CFAP90: variants seen among roughly 807,000 people sequenced by gnomAD.
CFAP90 encodes cilia- and flagella-associated protein 90.
chr5:7,845,852 G>C, the CFAP90 span, among the ~76,000 whole-genome samples: 3 of 151,754 alleles, frequency 2.0e-5, no homozygotes, highest in East Asian at 5.8e-4. Context: ...CTTTAAATAA[G>C]TGTGCAGCCT....
the CFAP90 span, among the ~76,000 whole-genome samples, chr5:7,838,864 G>T: frequency 1.3e-5 from 2 of 152,200 alleles, no homozygotes; most frequent in African/African-American, 4.8e-5. Context: ...TGGCAAAGTG[G>T]TGTTGTCTGG....
chr5:7,838,371 C>G, the CFAP90 span, among the ~76,000 whole-genome samples: 1 of 152,302 alleles, frequency 6.6e-6, no homozygotes, highest in Non-Finnish European at 1.5e-5. Flanking sequence ...ATCTCGATAT[C>G]TTTAATATCC....
At chr5:7,849,954 C>T in the CFAP90 span, among the ~76,000 whole-genome samples, 4 of 152,174 alleles carry the variant, frequency 2.6e-5, no homozygotes, top group South Asian at 4.1e-4. Context: ...CCCCGGCTTC[C>T]CGCGACCCCC....
the CFAP90 span, among the ~76,000 whole-genome samples, chr5:7,837,770 A>G: frequency 2.6e-5 from 4 of 152,218 alleles, no homozygotes; most frequent in Non-Finnish European, 5.9e-5. Context: ...TTTAAGAATT[A>G]TTACTTTAAG....
At chr5:7,846,372 G>C in the CFAP90 span, among the ~76,000 whole-genome samples, 8 of 152,314 alleles carry the variant, frequency 5.3e-5, no homozygotes, top group African/African-American at 1.9e-4. Context: ...ATAAACAACA[G>C]ATGCTTATTT....
chr5:7,850,360 G>T, the CFAP90 span, among the ~76,000 whole-genome samples: 1 of 137,848 alleles, frequency 7.3e-6, no homozygotes, highest in Non-Finnish European at 1.6e-5. Flanking sequence ...CCTGCCCCCA[G>T]GGTCCCTGCC....
the CFAP90 span, among the ~76,000 whole-genome samples, chr5:7,843,548 C>G: frequency 6.6e-6 from 1 of 152,120 alleles, no homozygotes; most frequent in Non-Finnish European, 1.5e-5. Flanking sequence ...TCAGAGAGTT[C>G]TACATTCATC....
chr5:7,830,405 CACTT>C, the CFAP90 span: 1 of 152,138 alleles, frequency 6.6e-6, no homozygotes, highest in Non-Finnish European at 1.5e-5. Context: ...TTATTACAGT[CACTT>C]ACAGATGCCT....
At chr5:7,836,655 G>C in the CFAP90 span, among the ~76,000 whole-genome samples, 1 of 152,148 alleles carries the variant, frequency 6.6e-6, no homozygotes, top group African/African-American at 2.4e-5. Flanking sequence ...AAGTCTGTTT[G>C]GCCCACAGAG....
chr5:7,834,486 A>T, the CFAP90 span, among the ~76,000 whole-genome samples: 1 of 152,172 alleles, frequency 6.6e-6, no homozygotes, highest in East Asian at 1.9e-4. Flanking sequence ...GAAGAAAAAA[A>T]TTTAAAATAA....
At chr5:7,850,939 A>G in the CFAP90 span, 1 of 1,351,372 alleles carries the variant, frequency 7.4e-7, no homozygotes, top group Non-Finnish European at 9.5e-7. Flanking sequence ...GATGTAGCTG[A>G]AGGCGGACTG....
chr5:7,850,545 A>T, the CFAP90 span, among the ~76,000 whole-genome samples: 1 of 8,218 alleles, frequency 1.2e-4, no homozygotes, highest in Non-Finnish European at 2.3e-4. Flanking sequence ...CCAAGGCCCC[A>T]GTCCCTAAGG....
At chr5:7,835,503 GA>G in the CFAP90 span, 13 of 1,455,118 alleles carry the variant, frequency 8.9e-6, no homozygotes, top group South Asian at 2.4e-5. Context: ...TCCTGTCTAG[GA>G]AAAAAAAGAG....
chr5:7,849,015 C>T, the CFAP90 span, among the ~76,000 whole-genome samples: 2 of 152,162 alleles, frequency 1.3e-5, no homozygotes, highest in Non-Finnish European at 2.9e-5. Context: ...CTCTATATAT[C>T]CAAATTTCCC....
the CFAP90 span, among the ~76,000 whole-genome samples, chr5:7,845,940 T>TTTTTTTTTTTTTTTTTGA: frequency 3.4e-5 from 5 of 147,576 alleles, no homozygotes; most frequent in African/African-American, 1.2e-4. Context: ...ACTCACATTT[T>TTTTTTTTTTTTTTTTTGA]GCCTTCACCT....
chr5:7,840,274 AC>A, the CFAP90 span, among the ~76,000 whole-genome samples: 2 of 152,056 alleles, frequency 1.3e-5, no homozygotes, highest in Non-Finnish European at 2.9e-5. Flanking sequence ...AGTGACCTCC[AC>A]CCCTGATCCT....
chr5:7,845,364 G>A, the CFAP90 span, among the ~76,000 whole-genome samples: 9 of 152,156 alleles, frequency 5.9e-5, no homozygotes, highest in Non-Finnish European at 1.2e-4. Flanking sequence ...AGTGCTCAGG[G>A]AGGTAGAGTC....
chr5:7,833,470 A>T, the CFAP90 span, among the ~76,000 whole-genome samples: 1 of 148,452 alleles, frequency 6.7e-6, no homozygotes, highest in Non-Finnish European at 1.5e-5. Context: ...ACACATGCAC[A>T]CACATATACA....
the CFAP90 span, among the ~76,000 whole-genome samples, chr5:7,836,768 AG>A: frequency 7.9e-5 from 12 of 152,178 alleles, no homozygotes; most frequent in Admixed American, 6.5e-4. Context: ...GGAAGGTACC[AG>A]GGGTCATTGT....
Sources: gnomAD v4.1 joint callset for allele counts (sites outside exome capture counted in the v4.1 genomes callset) on GRCh38, gnomAD v4.1.1 for gene constraint, MANE v1.5 for transcripts, NCBI Gene and HGNC (gene_info 2026-07-23, HGNC 2026-07-21) for gene names.